Variants in MXD4 observed in about 807,000 individuals in gnomAD.
The protein encoded by MXD4 is MAX dimerization protein 4.
MXD4 carries 16 observed loss-of-function variants against 24.5 expected under a neutral mutation model. The ratio of observed to expected loss-of-function variants is 0.65; its 90% CI spans 0.44 to 0.99. The LOEUF is 0.99. Among genes scored for constraint, MXD4 ranks in the 50% least tolerant of loss-of-function variants. The pLI is 0.00. For missense variants in MXD4, 301 were observed against 301.5 expected, an observed-to-expected ratio of 1.00 and a Z score of 0.01; for synonymous variants, 164 against 134.2, an observed-to-expected ratio of 1.22 and a Z score of -1.54.
At chr4:2,258,184 T>TG (rs1474709844) in intron 2 of MXD4, among the ~76,000 whole-genome samples, 173 bp from the exon 3 acceptor site, 2 of 151,892 alleles carry the variant, frequency 1.3e-5, no homozygotes, top group African/African-American at 2.4e-5. Flanking sequence ...CCACCCAGGG[T>TG]GGGGGGAACC....
In MXD4 at chr4:2,250,747, C is replaced by G. The variant is rs752476319; in HGVS notation, c.473-46G>C. On this transcript the variant is annotated intron_variant, in intron 5 of 5. Transcript: ENST00000337190. ...ATGGGGTCAGGCCACTCTGAGGGTG[C>G]CAGCCCATTTCTCCCTTTTCTGGAA... 1.8e-5 allele frequency: 28 copies of G among 1,585,646 alleles called. No individual in the cohort carries two copies. The South Asian group carries it at 2.6e-4, about 15-fold the overall frequency.
intron 4 of MXD4, among the ~76,000 whole-genome samples, chr4:2,251,879 G>C (rs1479856743): frequency 6.6e-6 from 1 of 152,188 alleles, no homozygotes; most frequent in Admixed American, 6.5e-5. Flanking sequence ...AATGTCACAA[G>C]GCCCCCAAAC....
chr4:2,257,011 C>G (rs1293401176), intron 3 of MXD4, among the ~76,000 whole-genome samples: 2 of 152,170 alleles, frequency 1.3e-5, no homozygotes, highest in African/African-American at 2.4e-5. Flanking sequence ...CCTCTGTGGC[C>G]TCTAGGGAAC....
At position 2,250,573 on chromosome 4, in the gene MXD4, G is replaced by A. The variant is rs765278452; in HGVS notation, c.601C>T (p.Arg201Trp). The change falls in exon 6 of 6, where the codon CGG becomes TGG. Residue 201 changes from arginine (R) to tryptophan (W), a missense_variant. Transcript: ENST00000337190. The part of the protein sequence containing the change: ...GGDSGFGPHC[R>W]RLGRPALS ...GAGAGGGCGGGGCGGCCCAGCCGCC[G>A]GCAGTGGGGCCCGAAGCCACTGTCG... is the stretch of plus-strand genomic sequence containing the variant. 20 of 1,605,218 alleles carry A rather than the reference G, an allele frequency of 1.2e-5. No individual in the cohort carries two copies. Among genetic ancestry groups the A allele is most frequent in the East Asian group, 4.5e-5 (2 of 44,602 alleles).
At chr4:2,250,755 T>C in intron 5 of MXD4, 54 bp from the exon 6 acceptor site, 1 of 1,572,436 alleles carries the variant, frequency 6.4e-7, no homozygotes, top group Non-Finnish European at 8.7e-7. Flanking sequence ...TGCCAGCCCA[T>C]TTCTCCCTTT....
chr4:2,254,882 CA>C, intron 3 of MXD4: 1 of 169,940 alleles, frequency 5.9e-6, no homozygotes, highest in Non-Finnish European at 1.3e-5. Context: ...GGTGGGAGAG[CA>C]AAAGGGGACA....
At chr4:2,260,583 G>A (rs1441089047) in intron 2 of MXD4, 2 of 455,482 alleles carry the variant, frequency 4.4e-6, no homozygotes, top group African/African-American at 4.0e-5. Flanking sequence ...CTGAGGCAAT[G>A]GTTCCCTCGT....
In MXD4 at chr4:2,261,999, C is replaced by G; in HGVS notation, c.-19G>C. The G allele has an allele frequency of 7.8e-7, 1 of 1,280,652 alleles. No individual in the cohort carries two copies. The highest frequency in any genetic ancestry group is 9.9e-7 in the Non-Finnish European group (1 of 1,006,422). The allele number at this position is 1,280,652 out of a possible 1,614,324, so 79.3% of individuals were successfully genotyped here. The stretch of plus-strand genomic sequence containing the variant: ...GCTCCATCCTCCCGCCCGCGCCCGT[C>G]CGCCCCGGGACGGCGGCGGCCGCTG... On this transcript the variant is annotated 5_prime_UTR_variant, in exon 1 of 6. Transcript: ENST00000337190.
chr4:2,252,322 C>G, intron 4 of MXD4, 86 bp downstream of exon 4: 2 of 1,122,894 alleles, frequency 1.8e-6, no homozygotes, highest in East Asian at 4.7e-5. Context: ...AAGGGCTGCC[C>G]AGGGTCACCT....
chr4:2,252,626 G>A (rs901601671), intron 3 of MXD4, 104 bp from the exon 4 acceptor site: 7 of 728,174 alleles, frequency 9.6e-6, no homozygotes, highest in African/African-American at 8.8e-5. Flanking sequence ...TGCTGCACAT[G>A]TGCTGAGGGT....
chr4:2,260,130 G>A (rs1002084641), intron 2 of MXD4, among the ~76,000 whole-genome samples: 2 of 152,244 alleles, frequency 1.3e-5, no homozygotes, highest in Non-Finnish European at 2.9e-5. Flanking sequence ...GGCTGCCTCA[G>A]GCCCCGGGGG....
rs1377720901 is a variant in MXD4, at chr4:2,250,054, T to C, written c.*490A>G. The C allele has an allele frequency of 6.3e-6, 1 of 159,486 alleles. No individual in the cohort carries two copies. Among genetic ancestry groups the C allele is most frequent in the African/African-American group, 2.4e-5 (1 of 41,592 alleles). The allele number at this position is 159,486 out of a possible 1,614,324, so 9.9% of individuals were successfully genotyped here. A position where few individuals can be genotyped will look rare whatever the true frequency, so the allele number is the denominator to read the frequency against. ...CCAGTTCCCGCCCTTCACAGACCCC[T>C]TGTCCACGCCAGGAGCCTATGTGGA... On this transcript the variant is annotated 3_prime_UTR_variant, in exon 6 of 6. Transcript: ENST00000337190.
chr4:2,252,460 C>T lies in MXD4; in HGVS notation c.257G>A (p.Ser86Asn). 2 of 1,610,866 alleles carry T rather than the reference C, an allele frequency of 1.2e-6. No homozygotes were observed. Among genetic ancestry groups the T allele is most frequent in the Non-Finnish European group, 8.5e-7 (1 of 1,179,964 alleles). The change falls in exon 4 of 6, where the codon AGC (serine) becomes AAC (asparagine). Residue 86 changes from serine to asparagine, a missense_variant. Physicochemically the swap from Ser to Asn is conservative, Grantham distance 46. Coordinates refer to ENST00000337190, the MANE Select transcript of MXD4 (RefSeq NM_006454.3). ...GAGGCTCAGCGTGGTGTGGCGGGTG[C>T]TGTCGGGGCCCAGGGGCACCAGTTG... The part of the protein sequence containing the change: ...LKQLVPLGPD[S>N]TRHTTLSLLK...
intron 3 of MXD4, chr4:2,255,487 T>G (rs1735407640): frequency 9.1e-6 from 4 of 437,488 alleles, no homozygotes; most frequent in Non-Finnish European, 1.8e-5. Context: ...AGAGCAGCAG[T>G]GGCCTGGAGC....
At chr4:2,257,703 C>G (rs1295288673) in intron 3 of MXD4, among the ~76,000 whole-genome samples, 2 of 152,256 alleles carry the variant, frequency 1.3e-5, no homozygotes, top group African/African-American at 2.4e-5. Context: ...CCCTGACTGT[C>G]ACACAGCACA....
At chr4:2,256,383 G>C (rs1269397202) in intron 3 of MXD4, among the ~76,000 whole-genome samples, 1 of 152,200 alleles carries the variant, frequency 6.6e-6, no homozygotes, top group African/African-American at 2.4e-5. Flanking sequence ...CCAGTCCCCA[G>C]TAAGGGGACA....
intron 2 of MXD4, 22 bp from the exon 3 acceptor site, chr4:2,258,033 C>A: frequency 6.2e-7 from 1 of 1,613,450 alleles, no homozygotes; most frequent in Non-Finnish European, 8.5e-7. Flanking sequence ...GACAGAAAGA[C>A]AGAGCTCACT....
chr4:2,260,396 G>A lies in MXD4; in HGVS notation c.164+1329C>T, dbSNP rs192276366. 3.3e-5 allele frequency among the ~76,000 whole-genome samples: 5 copies of A among 152,394 alleles called. No individual in the cohort carries two copies. The East Asian group carries it at 9.6e-4, about 29-fold the overall frequency. On this transcript the variant is annotated intron_variant, in intron 2 of 5. Coordinates refer to ENST00000337190, the MANE Select transcript of MXD4 (RefSeq NM_006454.3). ...TGGGGTGAAGATGAACTGGCTGCAT[G>A]TGTGAAACGCTCAGCATAGAGGCAG...
At position 2,257,973 on chromosome 4, in the gene MXD4, G is replaced by A. The variant is rs760763648; in HGVS notation, c.194+9C>T. 3.1e-6 allele frequency: 5 copies of A among 1,613,704 alleles called. No individual in the cohort carries two copies. Among genetic ancestry groups the A allele is most frequent in the Non-Finnish European group, 4.2e-6 (5 of 1,179,940 alleles). On this transcript the variant is annotated intron_variant, in intron 3 of 5. Coordinates refer to ENST00000337190, the MANE Select transcript of MXD4 (RefSeq NM_006454.3). ...TCGGGCTCATGTGGGGAACTGGGGG[G>A]TCACTTACCTGTGCTTTTCTAGCTC... is the stretch of plus-strand genomic sequence containing the variant.
Sources: allele counts gnomAD v4.1 joint callset (sites outside exome capture counted in the v4.1 genomes callset), GRCh38; gene constraint gnomAD v4.1.1; transcripts MANE v1.5; gene names NCBI Gene and HGNC (gene_info 2026-07-23, HGNC 2026-07-21).